The following YWHAE variants were observed in gnomAD, a reference collection of about 807,000 sequenced individuals.
YWHAE encodes tyrosine 3-monooxygenase/tryptophan 5-monooxygenase activation protein epsilon.
A neutral mutation model predicts 30.1 loss-of-function variants in YWHAE; 4 were observed. The ratio of observed to expected loss-of-function variants is 0.13; its 90% confidence interval spans 0.07 to 0.30. YWHAE has a LOEUF of 0.30. Among genes scored for constraint, YWHAE ranks in the 10% least tolerant of loss-of-function variants. YWHAE has a pLI of 1.00. For missense variants in YWHAE, 121 were observed against 315.9 expected (o/e 0.38, Z 4.68); for synonymous variants, 118 against 111.8 (o/e 1.06, Z -0.35).
intron 5 of YWHAE, among the ~76,000 whole-genome samples, chr17:1,346,881 C>G (rs1041481953): frequency 6.6e-6 from 1 of 151,076 alleles, no homozygotes; most frequent in Non-Finnish European, 1.5e-5. Context: ...ATCCCAGCTA[C>G]CTGGGAAGCT....
chr17:1,382,539 T>C (rs1291180343), intron 1 of YWHAE, among the ~76,000 whole-genome samples: 2 of 150,380 alleles, frequency 1.3e-5, no homozygotes, highest in Non-Finnish European at 3.0e-5. Flanking sequence ...TTTTTGTATC[T>C]TTAGTAGAGA....
At chr17:1,383,739 C>T (rs2073253762) in intron 1 of YWHAE, among the ~76,000 whole-genome samples, 1 of 152,062 alleles carries the variant, frequency 6.6e-6, no homozygotes, top group Non-Finnish European at 1.5e-5. Context: ...TTTTGTGCTG[C>T]ACAATCGTAA....
At chr17:1,378,102 T>C (rs879789211) in intron 1 of YWHAE, among the ~76,000 whole-genome samples, 3 of 152,144 alleles carry the variant, frequency 2.0e-5, no homozygotes, top group Admixed American at 6.6e-5. Flanking sequence ...GTATGCAAGT[T>C]TGTTGGAGAG....
At chr17:1,348,241 T>C (rs2072559419) in intron 5 of YWHAE, among the ~76,000 whole-genome samples, 1 of 152,210 alleles carries the variant, frequency 6.6e-6, no homozygotes, top group Non-Finnish European at 1.5e-5. Flanking sequence ...AAAGGATTCC[T>C]TGGCTATGTT....
intron 1 of YWHAE, among the ~76,000 whole-genome samples, chr17:1,375,568 A>G (rs1007335405): frequency 1.3e-5 from 2 of 152,218 alleles, no homozygotes; most frequent in East Asian, 1.9e-4. Flanking sequence ...TTTGAGTAAC[A>G]AAATCGAATT....
chr17:1,386,391 A>G (rs941123691), intron 1 of YWHAE, among the ~76,000 whole-genome samples: 3 of 152,202 alleles, frequency 2.0e-5, no homozygotes, highest in Non-Finnish European at 2.9e-5. Flanking sequence ...GAAAGCAATC[A>G]TACATTCACT....
chr17:1,394,450 A>C (rs1315921660), intron 1 of YWHAE, among the ~76,000 whole-genome samples: 1 of 149,438 alleles, frequency 6.7e-6, no homozygotes, highest in Non-Finnish European at 1.5e-5. Flanking sequence ...AAAAAAAAAA[A>C]AAAAAAAAAA....
intron 1 of YWHAE, among the ~76,000 whole-genome samples, chr17:1,396,425 A>G (rs2073472876): frequency 6.6e-6 from 1 of 152,136 alleles, no homozygotes; most frequent in African/African-American, 2.4e-5. Context: ...CTCCGTCTCA[A>G]AAGAAAAAAA....
intron 1 of YWHAE, among the ~76,000 whole-genome samples, chr17:1,365,720 C>G (rs1258627877): frequency 6.6e-6 from 1 of 152,180 alleles, no homozygotes; most frequent in Non-Finnish European, 1.5e-5. Flanking sequence ...GAAATAGTAA[C>G]TGAATAAATA....
intron 1 of YWHAE, among the ~76,000 whole-genome samples, chr17:1,392,708 A>G (rs2073406884): frequency 6.6e-6 from 1 of 151,882 alleles, no homozygotes; most frequent in Admixed American, 6.6e-5. Context: ...AAATTAGCCA[A>G]GCATGATGGC....
At chr17:1,347,545 GAA>G (rs889176923) in intron 5 of YWHAE, among the ~76,000 whole-genome samples, 2 of 151,604 alleles carry the variant, frequency 1.3e-5, no homozygotes, top group African/African-American at 4.8e-5. Flanking sequence ...TCATAAGACA[GAA>G]AAAAAATATG....
chr17:1,355,732 A>G (rs376742962), intron 4 of YWHAE, among the ~76,000 whole-genome samples: 2 of 152,188 alleles, frequency 1.3e-5, no homozygotes, highest in Non-Finnish European at 2.9e-5. Flanking sequence ...AGACAAATAC[A>G]TAACTATTTT....
At chr17:1,358,002 G>A (rs2072787005) in intron 4 of YWHAE, among the ~76,000 whole-genome samples, 1 of 151,802 alleles carries the variant, frequency 6.6e-6, no homozygotes, top group African/African-American at 2.4e-5. Flanking sequence ...CAGAAGAGGA[G>A]AAAATACTCA....
At chr17:1,354,188 T>C in intron 5 of YWHAE, 23 bp downstream of exon 5, 1 of 1,606,994 alleles carries the variant, frequency 6.2e-7, no homozygotes, top group Non-Finnish European at 8.5e-7. Context: ...AAGAGGTGCC[T>C]GTTTCACTCC....
intron 1 of YWHAE, among the ~76,000 whole-genome samples, chr17:1,394,385 G>A (rs1384968246): frequency 6.8e-6 from 1 of 146,486 alleles, no homozygotes; most frequent in African/African-American, 2.6e-5. Context: ...GGCCAAGGTG[G>A]GAGTCCAGGA....
At chr17:1,373,077 C>T (rs909622865) in intron 1 of YWHAE, among the ~76,000 whole-genome samples, 1 of 151,598 alleles carries the variant, frequency 6.6e-6, no homozygotes, top group African/African-American at 2.4e-5. Flanking sequence ...CCTGTCTCTA[C>T]TAAAAATACA....
chr17:1,350,767 T>A (rs1317408131), intron 5 of YWHAE, among the ~76,000 whole-genome samples: 7 of 148,528 alleles, frequency 4.7e-5, no homozygotes, highest in East Asian at 2.1e-4. Flanking sequence ...ATAATAATAA[T>A]AAAAAAAAAT....
chr17:1,389,676 G>A (rs1259434455), intron 1 of YWHAE, among the ~76,000 whole-genome samples: 2 of 150,754 alleles, frequency 1.3e-5, no homozygotes, highest in South Asian at 2.1e-4. Context: ...GACTACAGGC[G>A]CCCGCTACCA....
Position 1,400,038 on chromosome 17 carries a change from C to G in YWHAE, c.64+9G>C, listed in dbSNP as rs776066802. ...AGAATTCCAGCCCCCCGTTGCCCCCCCAACTCACCGTCGTATCGCTCAGCC... is the reference window on the plus strand; with the variant it reads ...AGAATTCCAGCCCCCCGTTGCCCCCGCAACTCACCGTCGTATCGCTCAGCC... On this transcript the variant is annotated intron_variant, in intron 1 of 5. Transcript: ENST00000264335. 2.2e-5 allele frequency: 36 copies of G among 1,613,736 alleles called. No individual in the cohort carries two copies. Among genetic ancestry groups the G allele is most frequent in the African/African-American group, 8.0e-5 (6 of 74,928 alleles).
Sources: gnomAD v4.1 joint callset for allele counts (sites outside exome capture counted in the v4.1 genomes callset) on GRCh38, gnomAD v4.1.1 for gene constraint, MANE v1.5 for transcripts, NCBI Gene and HGNC (gene_info 2026-07-23, HGNC 2026-07-21) for gene names.